Variants in MED21 observed in about 807,000 individuals in gnomAD.
MED21 encodes mediator complex subunit 21.
In MED21, 9 loss-of-function variants were observed where a neutral mutation model predicts 18.2. The ratio of observed to expected loss-of-function variants is 0.49; its 90% CI spans 0.30 to 0.86. The LOEUF (loss-of-function observed/expected upper bound fraction) is 0.86, where lower values mean the gene tolerates loss of function less well. Ranked by LOEUF, MED21 falls within the 40% of genes least tolerant of loss-of-function variation. MED21 has a pLI of 0.07. For synonymous variants in MED21, 73 were observed against 60.5 expected, an observed-to-expected ratio of 1.21 and a Z score of -0.96; for missense variants, 150 against 170.9, an observed-to-expected ratio of 0.88 and a Z score of 0.68.
chr12:27,026,037 TATTTAC>T (rs1477326112), intron 1 of MED21, among the ~76,000 whole-genome samples: 5 of 152,232 alleles, frequency 3.3e-5, no homozygotes, highest in African/African-American at 1.2e-4. Flanking sequence ...GTGCCATAGA[TATTTAC>T]AAGTCAAATT....
At chr12:27,027,789 G>C (rs1278790875) in intron 3 of MED21, among the ~76,000 whole-genome samples, 1 of 152,096 alleles carries the variant, frequency 6.6e-6, no homozygotes, top group African/African-American at 2.4e-5. Context: ...ATATTTTAAG[G>C]GTACTAATTC....
At chr12:27,030,839 T>C (rs1201554542), downstream of MED21, 1 of 152,238 alleles carries the variant, frequency 6.6e-6, no homozygotes, top group East Asian at 1.9e-4. Flanking sequence ...CTCTCTTTGT[T>C]TCTGGATGCT....
rs565458718 is a variant in MED21 at position 27,030,122 on chromosome 12, G to GGT, written c.*1661_*1662insGT. On this transcript the variant is annotated 3_prime_UTR_variant, in exon 4 of 4. Coordinates refer to ENST00000282892, the MANE Select transcript of MED21 (RefSeq NM_004264.5). The stretch of plus-strand genomic sequence containing the variant: ...TGTGATTCTCTGTAGAGGATATACA[G>GGT]TTTTTTTTTGTTGTTCTTGTTTCTG... 3.3e-6 allele frequency: 2 copies of GGT among 604,184 alleles called. No homozygotes were observed. Among genetic ancestry groups the GGT allele is most frequent in the Non-Finnish European group, 6.0e-6 (2 of 332,382 alleles). 37.4% of individuals were successfully genotyped at this position (604,184 alleles called of 1,614,324 possible).
downstream of MED21, among the ~76,000 whole-genome samples, chr12:27,033,538 G>T (rs752432149): frequency 3.9e-5 from 6 of 152,068 alleles, no homozygotes; most frequent in Non-Finnish European, 8.8e-5. Flanking sequence ...ACCTAGTCTG[G>T]ATTTTTGTTT....
chr12:27,033,110 A>G (rs747889554), downstream of MED21, among the ~76,000 whole-genome samples: 3 of 152,098 alleles, frequency 2.0e-5, no homozygotes, highest in African/African-American at 4.8e-5. Flanking sequence ...TTATTGCAAT[A>G]GTCTCCCTGA....
At chr12:27,036,307 T>G (rs1430487871) in intron 2 of MED21, among the ~76,000 whole-genome samples, 1 of 152,222 alleles carries the variant, frequency 6.6e-6, no homozygotes, top group Admixed American at 6.5e-5. Flanking sequence ...CTTGTAAATT[T>G]GTTGGAGTTC....
At chr12:27,032,493 GGTA>G (rs1941626849), downstream of MED21, among the ~76,000 whole-genome samples, 1 of 152,174 alleles carries the variant, frequency 6.6e-6, no homozygotes, top group African/African-American at 2.4e-5. Context: ...AATGTAGAGA[GGTA>G]GTAGTATGAC....
At chr12:27,024,398 C>G (rs376707547) in intron 1 of MED21, among the ~76,000 whole-genome samples, 2 of 152,028 alleles carry the variant, frequency 1.3e-5, no homozygotes, top group East Asian at 1.9e-4. Flanking sequence ...ACTGATCTAC[C>G]CTGGGTGAAT....
intron 1 of MED21, among the ~76,000 whole-genome samples, chr12:27,023,898 G>C (rs966966759): frequency 1.3e-5 from 2 of 152,136 alleles, no homozygotes; most frequent in East Asian, 3.9e-4. Context: ...TCATTATCAA[G>C]TGTCATGGAC....
downstream of MED21, among the ~76,000 whole-genome samples, chr12:27,032,998 T>C (rs1186152070): frequency 6.6e-6 from 1 of 152,122 alleles, no homozygotes; most frequent in Non-Finnish European, 1.5e-5. Context: ...CACGTTAGTT[T>C]TTTTCTAGCC....
At chr12:27,035,326 C>G (rs945886491), downstream of MED21, among the ~76,000 whole-genome samples, 3 of 151,828 alleles carry the variant, frequency 2.0e-5, no homozygotes, top group African/African-American at 7.3e-5. Context: ...TCTTTGAATT[C>G]CAGTTTTATA....
intron 2 of MED21, chr12:27,038,359 G>T (rs1380106078): frequency 6.6e-6 from 1 of 151,454 alleles, no homozygotes; most frequent in Non-Finnish European, 1.5e-5. Context: ...GATATCTAGG[G>T]ATGCGTATAA....
At chr12:27,023,589 G>T (rs1394973034) in intron 1 of MED21, among the ~76,000 whole-genome samples, 1 of 152,044 alleles carries the variant, frequency 6.6e-6, no homozygotes, top group Admixed American at 6.5e-5. Flanking sequence ...GAGCCACCGT[G>T]CCCGGCCTAC....
intron 1 of MED21, among the ~76,000 whole-genome samples, chr12:27,023,620 C>T (rs1369005119): frequency 2.6e-5 from 4 of 151,958 alleles, no homozygotes; most frequent in African/African-American, 9.7e-5. Context: ...TAATGTCTCC[C>T]CCAAATTCTA....
intron 3 of MED21, 31 bp downstream of exon 3, chr12:27,027,478 A>G: frequency 6.6e-7 from 1 of 1,516,464 alleles, no homozygotes; most frequent in Non-Finnish European, 9.1e-7. Context: ...GAATTTTACC[A>G]GTAATAGAGA....
chr12:27,036,155 A>G lies in MED21; in HGVS notation n.146+8708A>G, dbSNP rs1205680618. Among the ~76,000 whole-genome samples, 4 of 152,186 alleles carry G rather than the reference A, an allele frequency of 2.6e-5. No individual in the cohort carries two copies. The South Asian group carries it at 8.3e-4, about 32-fold the overall frequency. On this transcript the variant is annotated intron_variant and non_coding_transcript_variant, in intron 2 of 4. Coordinates refer to the MED21 transcript ENST00000538186. Reference sequence around the variant, plus strand: ...TCTAACTGGTGTGAGATGATATCCCATTGTGGTTTTGATTTGCATTTCTCT... The same window carrying G: ...TCTAACTGGTGTGAGATGATATCCCGTTGTGGTTTTGATTTGCATTTCTCT...
intron 1 of MED21, among the ~76,000 whole-genome samples, chr12:27,023,231 G>C (rs1245767170): frequency 6.6e-6 from 1 of 151,152 alleles, no homozygotes; most frequent in Non-Finnish European, 1.5e-5. Context: ...TCAGTTTGGG[G>C]ACATCTTTAT....
Position 27,022,574 on chromosome 12 carries a change from A to T in MED21, c.-6A>T. On this transcript the variant is annotated 5_prime_UTR_variant, in exon 1 of 4. Transcript: ENST00000282892. Reference sequence around the variant, plus strand: ...TGTTTTGGCGTCTGTTTGCTGCGGTAGGAACATGGCGGATCGGCTCACGCA... The same window carrying T: ...TGTTTTGGCGTCTGTTTGCTGCGGTTGGAACATGGCGGATCGGCTCACGCA... The T allele has an allele frequency of 6.5e-7, 1 of 1,546,548 alleles. No homozygotes were observed. Among genetic ancestry groups the T allele is most frequent in the Non-Finnish European group, 8.8e-7 (1 of 1,139,756 alleles).
At position 27,030,203 on chromosome 12, in the gene MED21, G is replaced by T; in HGVS notation, c.*1742G>T. On this transcript the variant is annotated 3_prime_UTR_variant, in exon 4 of 4. Transcript: ENST00000282892. ...GCTGAAGTGCAGTTCTGTGATCATG[G>T]CTCACTGCAGCTTCACCCTGGGTTC... 1.5e-6 allele frequency: 1 copy of T among 646,122 alleles called. No homozygotes were observed. The highest frequency in any genetic ancestry group is 2.8e-6 in the Non-Finnish European group (1 of 351,084). 40.0% of individuals were successfully genotyped at this position (646,122 alleles called of 1,614,324 possible). A position where few individuals can be genotyped will look rare whatever the true frequency, so the allele number is the denominator to read the frequency against.
Sources: gnomAD v4.1 joint callset for allele counts (sites outside exome capture counted in the v4.1 genomes callset) on GRCh38, gnomAD v4.1.1 for gene constraint, MANE v1.5 for transcripts, NCBI Gene and HGNC (gene_info 2026-07-23, HGNC 2026-07-21) for gene names.